Variants in AUTS2 observed in about 807,000 individuals in gnomAD.
AUTS2 encodes the protein activator of transcription and developmental regulator AUTS2.
AUTS2 carries 17 observed loss-of-function variants against 112.4 expected under a neutral mutation model. The ratio of observed to expected loss-of-function variants is 0.15; its 90% CI spans 0.10 to 0.23. The LOEUF (loss-of-function observed/expected upper bound fraction) is 0.23, where lower values mean the gene tolerates loss of function less well. Ranked by LOEUF, AUTS2 falls within the 10% of genes least tolerant of loss-of-function variation. AUTS2 has a pLI of 1.00. For synonymous variants in AUTS2, 751 were observed against 702.7 expected (o/e 1.07, Z -1.09); for missense variants, 1,510 against 1,701.6 (o/e 0.89, Z 1.98).
At chr7:69,632,610 C>T (rs1462489149) in intron 1 of AUTS2, among the ~76,000 whole-genome samples, 4 of 149,730 alleles carry the variant, frequency 2.7e-5, no homozygotes, top group Non-Finnish European at 6.0e-5. Flanking sequence ...CCCCTCTCCC[C>T]TCTTCCCTCT....
At chr7:69,793,983 G>C (rs1361057277) in intron 1 of AUTS2, among the ~76,000 whole-genome samples, 1 of 152,178 alleles carries the variant, frequency 6.6e-6, no homozygotes, top group African/African-American at 2.4e-5. Context: ...CAAAGCGGGG[G>C]TGATTGGAGC....
At chr7:70,614,056 C>T (rs1804230647) in intron 5 of AUTS2, among the ~76,000 whole-genome samples, 1 of 152,112 alleles carries the variant, frequency 6.6e-6, no homozygotes, top group East Asian at 1.9e-4. Flanking sequence ...AGGGAGGGAG[C>T]CATCTTTGTT....
intron 5 of AUTS2, among the ~76,000 whole-genome samples, chr7:70,479,626 A>T (rs1399526929): frequency 8.1e-6 from 1 of 123,790 alleles, no homozygotes; most frequent in Non-Finnish European, 1.7e-5. Flanking sequence ...ATATAATATC[A>T]TGTAGTACCT....
intron 5 of AUTS2, among the ~76,000 whole-genome samples, chr7:70,659,124 C>T (rs910396119): frequency 2.6e-5 from 4 of 152,162 alleles, no homozygotes; most frequent in African/African-American, 7.2e-5. Flanking sequence ...TTGACCACCG[C>T]CTGTTCTCAG....
At chr7:70,104,918 G>T (rs1698460895) in intron 2 of AUTS2, among the ~76,000 whole-genome samples, 1 of 152,102 alleles carries the variant, frequency 6.6e-6, no homozygotes, top group Non-Finnish European at 1.5e-5. Flanking sequence ...TGGTTTAATA[G>T]TTGATTTAAA....
chr7:70,276,632 G>C (rs1333725238), intron 4 of AUTS2, among the ~76,000 whole-genome samples: 1 of 152,150 alleles, frequency 6.6e-6, no homozygotes, highest in Non-Finnish European at 1.5e-5. Flanking sequence ...GCCTGCCTCA[G>C]CCTGCCAAGG....
At chr7:70,724,624 T>G (rs1585575648) in intron 6 of AUTS2, among the ~76,000 whole-genome samples, 1 of 151,848 alleles carries the variant, frequency 6.6e-6, no homozygotes, top group South Asian at 2.1e-4. Flanking sequence ...TTTTTTATTT[T>G]TTAGTACAGA....
At chr7:70,417,595 G>A (rs1359548642) in intron 4 of AUTS2, among the ~76,000 whole-genome samples, 3 of 152,192 alleles carry the variant, frequency 2.0e-5, no homozygotes, top group Admixed American at 1.3e-4. Flanking sequence ...CTTTTCCAAG[G>A]CACAGTGGAG....
intron 3 of AUTS2, among the ~76,000 whole-genome samples, chr7:70,131,780 A>G (rs1806285332): frequency 6.6e-6 from 1 of 152,036 alleles, no homozygotes; most frequent in African/African-American, 2.4e-5. Context: ...CCTCAGGGAT[A>G]TATGATACGT....
intron 4 of AUTS2, among the ~76,000 whole-genome samples, chr7:70,204,493 G>T (rs1810469568): frequency 6.6e-6 from 1 of 152,096 alleles, no homozygotes; most frequent in Non-Finnish European, 1.5e-5. Flanking sequence ...TTGTCGGGGG[G>T]TGGGGAGAAT....
At chr7:70,641,445 G>T (rs1489594968) in intron 5 of AUTS2, among the ~76,000 whole-genome samples, 1 of 152,202 alleles carries the variant, frequency 6.6e-6, no homozygotes, top group East Asian at 1.9e-4. Flanking sequence ...CCAGCTACTC[G>T]GGAGACTGAG....
At chr7:70,009,172 G>A (rs538410289) in intron 2 of AUTS2, among the ~76,000 whole-genome samples, 2 of 152,258 alleles carry the variant, frequency 1.3e-5, no homozygotes, top group South Asian at 4.1e-4. Flanking sequence ...AAGAGAGCAT[G>A]AGAGCAAGAG....
At chr7:69,759,671 T>A (rs543111891) in intron 1 of AUTS2, among the ~76,000 whole-genome samples, 1 of 150,890 alleles carries the variant, frequency 6.6e-6, no homozygotes, top group African/African-American at 2.4e-5. Flanking sequence ...TGAACAAGTG[T>A]TCTTTTGAGT....
intron 2 of AUTS2, among the ~76,000 whole-genome samples, chr7:69,906,348 T>C (rs1795148206): frequency 6.6e-6 from 1 of 152,220 alleles, no homozygotes; most frequent in Non-Finnish European, 1.5e-5. Context: ...ACAGCAATCT[T>C]GTATCCACAC....
At chr7:69,688,179 G>A (rs960408434) in intron 1 of AUTS2, among the ~76,000 whole-genome samples, 1 of 152,232 alleles carries the variant, frequency 6.6e-6, no homozygotes, top group Non-Finnish European at 1.5e-5. Context: ...CCAGTTGACA[G>A]CTGTTGTCTG....
At chr7:69,779,050 TAAAAAAAAAAAAAA>T (rs1554368326) in intron 1 of AUTS2, among the ~76,000 whole-genome samples, 1 of 86,578 alleles carries the variant, frequency 1.2e-5, no homozygotes, top group African/African-American at 4.8e-5. Flanking sequence ...TTTTTTTTTT[TAAAAAAAAAAAAAA>T]AAAAAAAAAA....
At chr7:70,479,284 C>T (rs1310315415) in intron 5 of AUTS2, among the ~76,000 whole-genome samples, 3 of 152,042 alleles carry the variant, frequency 2.0e-5, no homozygotes, top group African/African-American at 7.2e-5. Context: ...TTATGAGTTA[C>T]TGTGTTGTAA....
At chr7:69,860,608 C>G (rs1401350997) in intron 1 of AUTS2, among the ~76,000 whole-genome samples, 1 of 152,088 alleles carries the variant, frequency 6.6e-6, no homozygotes, top group African/African-American at 2.4e-5. Flanking sequence ...CTCCCCTCAC[C>G]TCCCTCTCCT....
intron 4 of AUTS2, among the ~76,000 whole-genome samples, chr7:70,309,298 C>T (rs1789629133): frequency 6.6e-6 from 1 of 152,190 alleles, no homozygotes. Context: ...TATGAAACTT[C>T]TCAGGACCAG....
Sources: allele counts gnomAD v4.1 joint callset (sites outside exome capture counted in the v4.1 genomes callset), GRCh38; gene constraint gnomAD v4.1.1; transcripts MANE v1.5; gene names NCBI Gene and HGNC (gene_info 2026-07-23, HGNC 2026-07-21).